DMD: variants seen among roughly 807,000 people sequenced by gnomAD.
DMD encodes dystrophin.
A neutral mutation model predicts 330.1 loss-of-function variants in DMD; 63 were observed. The ratio of observed to expected loss-of-function variants is 0.19; its 90% confidence interval spans 0.16 to 0.24. The LOEUF (loss-of-function observed/expected upper bound fraction) is 0.24, where lower values mean the gene tolerates loss of function less well. DMD is among the 10% of genes least tolerant of loss of function. DMD has a pLI of 1.00. For missense variants in DMD, 3,344 were observed against 2,684.1 expected (o/e 1.25, Z -5.43); for synonymous variants, 1,223 against 959.8 (o/e 1.27, Z -5.07).
intron 2 of DMD, among the ~76,000 whole-genome samples, chrX:32,855,748 T>C (rs1253954999): frequency 8.9e-6 from 1 of 111,880 alleles, no homozygotes; most frequent in African/African-American, 3.2e-5. Context: ...TCCAAGACAC[T>C]GGTCTAGGCA....
chrX:31,792,773 C>A (rs1603468300), intron 50 of DMD, among the ~76,000 whole-genome samples: 1 of 111,504 alleles, frequency 9.0e-6, no homozygotes, highest in African/African-American at 3.3e-5. Context: ...CCCCTGAAGC[C>A]CCAGAGGGTG....
chrX:32,914,646 C>T lies in DMD; in HGVS notation c.94-64826G>A, dbSNP rs992491896. 1.1e-4 allele frequency among the ~76,000 whole-genome samples: 12 copies of T among 112,139 alleles called. No homozygotes were observed. The Admixed American group carries it at 1.1e-3, about 11-fold the overall frequency. On this transcript the variant is annotated intron_variant, in intron 2 of 78. Transcript: ENST00000357033. ...CAAAATAACACAATAAACGAAAAAT[C>T]TTCGAGCAGCCCAAATGCCCTCTGG...
chrX:32,234,212 A>G (rs1038337554), intron 43 of DMD, among the ~76,000 whole-genome samples: 2 of 111,363 alleles, frequency 1.8e-5, no homozygotes, highest in African/African-American at 6.5e-5. Flanking sequence ...GGAAGGTTTT[A>G]GTTATGTTGG....
intron 9 of DMD, among the ~76,000 whole-genome samples, chrX:32,681,171 C>T (rs952622662): frequency 1.7e-4 from 19 of 111,403 alleles, no homozygotes; most frequent in African/African-American, 6.2e-4. Flanking sequence ...CATGTCCCAC[C>T]TAAAGTATTT....
rs777075767 is a variant in DMD, at chrX:33,110,089, C to T, written c.32-89889G>A. ...CCTACTTTTCTCTTTTTTAGAATGC[C>T]CTCTCTCACATGTTACCACTAGAGA... On this transcript the variant is annotated intron_variant, in intron 1 of 78. Transcript: ENST00000357033. 4.6e-3 allele frequency among the ~76,000 whole-genome samples: 517 copies of T among 111,516 alleles called. 3 individuals are homozygous for T. The highest frequency in any genetic ancestry group is 0.016 in the African/African-American group (484 of 30,714).
intron 63 of DMD, among the ~76,000 whole-genome samples, chrX:31,238,426 G>C (rs764156607): frequency 8.9e-6 from 1 of 111,800 alleles, no homozygotes; most frequent in Non-Finnish European, 1.9e-5. Context: ...TCTTACTTCA[G>C]CTCTTTTTGT....
chrX:33,083,042 AAG>A (rs759997903), intron 1 of DMD, among the ~76,000 whole-genome samples: 56 of 107,375 alleles, frequency 5.2e-4, no homozygotes, highest in Middle Eastern at 4.8e-3. Flanking sequence ...AATGCAGAGA[AAG>A]AGAGAGAGAG....
chrX:31,752,207 C>T (rs2088636556), intron 51 of DMD, among the ~76,000 whole-genome samples: 1 of 112,148 alleles, frequency 8.9e-6, no homozygotes, highest in South Asian at 3.7e-4. Flanking sequence ...AACATATTCA[C>T]AGGTTCCTGG....
intron 7 of DMD, among the ~76,000 whole-genome samples, chrX:32,733,017 C>T (rs957764079): frequency 3.6e-5 from 4 of 110,426 alleles, no homozygotes; most frequent in African/African-American, 6.7e-5. Flanking sequence ...TCAGGAAACC[C>T]ATCTCATGTG....
At chrX:31,843,500 C>T (rs1043563928) in intron 48 of DMD, among the ~76,000 whole-genome samples, 1 of 111,882 alleles carries the variant, frequency 8.9e-6, no homozygotes, top group Non-Finnish European at 1.9e-5. Context: ...CTGTTAGCCA[C>T]CCGTTTGTCT....
chrX:33,304,011 TTTA>T (rs1256476449), intron 1 of DMD, among the ~76,000 whole-genome samples: 2 of 111,693 alleles, frequency 1.8e-5, no homozygotes, highest in Non-Finnish European at 3.8e-5. Flanking sequence ...TCTGAAGTTA[TTTA>T]TTATAAATAT....
intron 1 of DMD, among the ~76,000 whole-genome samples, chrX:33,133,202 G>T (rs2095509071): frequency 9.0e-6 from 1 of 111,217 alleles, no homozygotes; most frequent in African/African-American, 3.3e-5. Flanking sequence ...CCTGCTGAGA[G>T]TTGGAGCTAA....
chrX:31,323,347 C>T (rs758739118), intron 62 of DMD, among the ~76,000 whole-genome samples: 43 of 111,720 alleles, frequency 3.8e-4, no homozygotes, highest in Non-Finnish European at 7.0e-4. Context: ...GTGAAAAATC[C>T]GCCCCCTCTG....
chrX:32,761,913 G>A (rs769344067), intron 7 of DMD, among the ~76,000 whole-genome samples: 1 of 110,869 alleles, frequency 9.0e-6, no homozygotes, highest in Non-Finnish European at 1.9e-5. Flanking sequence ...CACTTTGGGA[G>A]GCCGAGATGG....
intron 49 of DMD, among the ~76,000 whole-genome samples, chrX:31,824,540 T>C (rs1251950145): frequency 8.9e-6 from 1 of 111,887 alleles, no homozygotes; most frequent in Non-Finnish European, 1.9e-5. Context: ...CATGAGCCAC[T>C]GCGCCCGGCC....
At chrX:32,887,923 G>A (rs1175352036) in intron 2 of DMD, among the ~76,000 whole-genome samples, 4 of 109,000 alleles carry the variant, frequency 3.7e-5, no homozygotes, top group Non-Finnish European at 7.6e-5. Flanking sequence ...TCCCTTTTCA[G>A]GTATATGGTA....
intron 9 of DMD, among the ~76,000 whole-genome samples, chrX:32,669,587 T>G (rs1280856336): frequency 8.9e-6 from 1 of 111,912 alleles, no homozygotes; most frequent in Non-Finnish European, 1.9e-5. Context: ...CTCTCCACCC[T>G]AGCCCCTGCA....
At chrX:31,331,212 C>A (rs994269841) in intron 61 of DMD, among the ~76,000 whole-genome samples, 1 of 111,479 alleles carries the variant, frequency 9.0e-6, no homozygotes, top group Non-Finnish European at 1.9e-5. Context: ...AGCTCTGAGA[C>A]CATTGCACAT....
chrX:32,723,502 C>G (rs1189372721), intron 7 of DMD, among the ~76,000 whole-genome samples: 1 of 111,275 alleles, frequency 9.0e-6, no homozygotes, highest in African/African-American at 3.3e-5. Flanking sequence ...GTATAAATTA[C>G]TCTTTAAATG....
Sources: allele counts gnomAD v4.1 joint callset (sites outside exome capture counted in the v4.1 genomes callset), GRCh38; gene constraint gnomAD v4.1.1; transcripts MANE v1.5; gene names NCBI Gene and HGNC (gene_info 2026-07-23, HGNC 2026-07-21).